Variants in WDR41 observed in about 807,000 individuals in gnomAD.
The protein encoded by WDR41 is WD repeat domain 41.
A neutral mutation model predicts 69.3 loss-of-function variants in WDR41; 63 were observed. The observed-to-expected ratio is 0.91, with a 90% CI of 0.74 to 1.12. WDR41 has a LOEUF of 1.12. Among genes scored for constraint, WDR41 ranks in the 50% most tolerant of loss-of-function variants. The probability of loss-of-function intolerance (pLI) is 0.00; values close to 1 mark genes in which losing one functional copy is unlikely to be tolerated. For missense variants in WDR41, 543 were observed against 534.5 expected (o/e 1.02, Z -0.16); for synonymous variants, 185 against 192.1 (o/e 0.96, Z 0.31).
At position 77,546,660 on chromosome 5, in the gene WDR41, C is replaced by T. The variant is rs1161231193; in HGVS notation, c.43-57088G>A. Among the ~76,000 whole-genome samples, 8 of 152,178 alleles carry T rather than the reference C, an allele frequency of 5.3e-5. No homozygotes were observed. In the South Asian group the frequency reaches 8.3e-4, roughly 16 times the overall value. On this transcript the variant is annotated intron_variant, in intron 1 of 5. Transcript: ENST00000509971. ...AAATTACCAACAAAGAAGTCCAGGA[C>T]CAGACGGATTCACAGCAGAATTCTA...
At chr5:77,500,275 T>G (rs1243868512) in intron 1 of WDR41, among the ~76,000 whole-genome samples, 2 of 151,898 alleles carry the variant, frequency 1.3e-5, no homozygotes, top group African/African-American at 4.8e-5. Flanking sequence ...AATGAAAAAT[T>G]TTACATTTAA....
intron 1 of WDR41, among the ~76,000 whole-genome samples, chr5:77,505,934 C>G (rs1274769887): frequency 6.6e-6 from 1 of 152,106 alleles, no homozygotes; most frequent in Non-Finnish European, 1.5e-5. Flanking sequence ...CAAAAACACC[C>G]TAGAAGAAAA....
intron 5 of WDR41, 75 bp from the exon 6 acceptor site, chr5:77,454,003 C>T: frequency 8.5e-7 from 1 of 1,173,048 alleles, no homozygotes; most frequent in Non-Finnish European, 1.3e-6. Context: ...AAAATATATC[C>T]ACAAGTTCTT....
chr5:77,574,360 A>T (rs1743789137), intron 1 of WDR41, among the ~76,000 whole-genome samples: 1 of 152,206 alleles, frequency 6.6e-6, no homozygotes, highest in Admixed American at 6.5e-5. Flanking sequence ...GATTGTATTT[A>T]GCAAACTGGT....
At chr5:77,445,388 G>A (rs1008567121) in intron 8 of WDR41, among the ~76,000 whole-genome samples, 5 of 151,948 alleles carry the variant, frequency 3.3e-5, no homozygotes, top group East Asian at 1.9e-4. Context: ...AAACTATTCC[G>A]AACAACTGAA....
chr5:77,451,265 A>T, intron 7 of WDR41, 26 bp downstream of exon 7: 1 of 1,612,058 alleles, frequency 6.2e-7, no homozygotes, highest in Non-Finnish European at 8.5e-7. Flanking sequence ...TTCAAAATAC[A>T]CAAAAAGAAA....
intron 1 of WDR41, chr5:77,545,900 G>C (rs1743187768): frequency 1.3e-5 from 7 of 528,734 alleles, no homozygotes; most frequent in Non-Finnish European, 2.0e-5. Context: ...GCTACTGGGG[G>C]AACAAGATTG....
chr5:77,581,621 A>C (rs1269490603), intron 1 of WDR41, among the ~76,000 whole-genome samples: 1 of 152,226 alleles, frequency 6.6e-6, no homozygotes, highest in African/African-American at 2.4e-5. Context: ...AATCTCAGTA[A>C]ATTTAAAAAG....
At chr5:77,502,108 A>G (rs1802025081) in intron 1 of WDR41, among the ~76,000 whole-genome samples, 1 of 152,180 alleles carries the variant, frequency 6.6e-6, no homozygotes, top group South Asian at 2.1e-4. Flanking sequence ...ACCACAAGGA[A>G]GCTAAAAACC....
chr5:77,497,882 T>A (rs1801958015), intron 1 of WDR41, among the ~76,000 whole-genome samples: 1 of 152,204 alleles, frequency 6.6e-6, no homozygotes, highest in Admixed American at 6.6e-5. Flanking sequence ...TAAAATGTGA[T>A]GTATGCATAT....
intron 2 of WDR41, chr5:77,480,324 G>C (rs1425105700): frequency 6.6e-6 from 1 of 151,902 alleles, no homozygotes; most frequent in Non-Finnish European, 1.5e-5. Context: ...CCATTACTGG[G>C]TATATACCCA....
chr5:77,582,871 C>T, intron 1 of WDR41: 4 of 1,604,972 alleles, frequency 2.5e-6, no homozygotes, highest in South Asian at 1.1e-5. Context: ...CAATAAGAAG[C>T]GAATTGCTTT....
chr5:77,447,847 C>G (rs570334716), intron 8 of WDR41, among the ~76,000 whole-genome samples: 1 of 152,254 alleles, frequency 6.6e-6, no homozygotes, highest in East Asian at 1.9e-4. Flanking sequence ...TGTAACAAAC[C>G]TGCACATTCT....
intron 1 of WDR41, among the ~76,000 whole-genome samples, chr5:77,543,220 A>C (rs947492807): frequency 6.6e-6 from 1 of 152,024 alleles, no homozygotes; most frequent in African/African-American, 2.4e-5. Context: ...TAGAAAACCA[A>C]CTCTGGTAAT....
At chr5:77,481,028 G>GTC (rs1554113739) in intron 2 of WDR41, among the ~76,000 whole-genome samples, 1 of 142,800 alleles carries the variant, frequency 7.0e-6, no homozygotes, top group Non-Finnish European at 1.5e-5. Flanking sequence ...TTTCTGGGTT[G>GTC]TTTTTTTTTT....
At chr5:77,483,572 CT>C (rs1371945917) in intron 2 of WDR41, among the ~76,000 whole-genome samples, 3 of 150,864 alleles carry the variant, frequency 2.0e-5, no homozygotes, top group Non-Finnish European at 4.4e-5. Flanking sequence ...ATTAACCTGT[CT>C]TTTGTATGTC....
At chr5:77,498,374 C>T (rs1801965068) in intron 1 of WDR41, among the ~76,000 whole-genome samples, 1 of 152,088 alleles carries the variant, frequency 6.6e-6, no homozygotes, top group Non-Finnish European at 1.5e-5. Context: ...GTAGAAAAGA[C>T]TATTGAAAAA....
intron 1 of WDR41, among the ~76,000 whole-genome samples, chr5:77,596,151 A>G (rs1247821210): frequency 6.6e-6 from 1 of 152,130 alleles, no homozygotes; most frequent in African/African-American, 2.4e-5. Context: ...CTGATCTAAA[A>G]TGTAGAAGGT....
intron 4 of WDR41, among the ~76,000 whole-genome samples, chr5:77,460,804 T>C (rs1800019878): frequency 6.6e-6 from 1 of 152,174 alleles, no homozygotes; most frequent in Non-Finnish European, 1.5e-5. Context: ...GGTATAAGAT[T>C]TTCCACTTGT....
Sources: gnomAD v4.1 joint callset for allele counts (sites outside exome capture counted in the v4.1 genomes callset) on GRCh38, gnomAD v4.1.1 for gene constraint, MANE v1.5 for transcripts, NCBI Gene and HGNC (gene_info 2026-07-23, HGNC 2026-07-21) for gene names.